ATP8A2: variants seen among roughly 807,000 people sequenced by gnomAD.
ATP8A2 encodes ATPase phospholipid transporting 8A2.
A neutral mutation model predicts 165.6 loss-of-function variants in ATP8A2; 100 were observed. The ratio of observed to expected loss-of-function variants is 0.60; its 90% CI spans 0.51 to 0.71. The LOEUF (loss-of-function observed/expected upper bound fraction) is 0.71, where lower values mean the gene tolerates loss of function less well. Ranked by LOEUF, ATP8A2 falls within the 30% of genes least tolerant of loss-of-function variation. The pLI is 0.00. For synonymous variants in ATP8A2, 543 were observed against 548.8 expected, an observed-to-expected ratio of 0.99 and a Z score of 0.15; for missense variants, 1,227 against 1,479.5, an observed-to-expected ratio of 0.83 and a Z score of 2.80.
In ATP8A2 at chr13:25,380,080, G is replaced by T. The variant is rs993319875; in HGVS notation, c.76+7792G>T. The stretch of plus-strand genomic sequence containing the variant: ...GTGAAGATTGTAAATGAAATGCACA[G>T]TTAGGGGCTGTTGTAATACTCCAGG... On this transcript the variant is annotated intron_variant, in intron 1 of 36. Coordinates refer to ENST00000381655, the MANE Select transcript of ATP8A2 (RefSeq NM_016529.6). 4.6e-5 allele frequency among the ~76,000 whole-genome samples: 7 copies of T among 152,208 alleles called. No homozygotes were observed. The South Asian group carries it at 1.4e-3, about 32-fold the overall frequency.
At chr13:25,995,535 A>G (rs1168666627) in intron 35 of ATP8A2, among the ~76,000 whole-genome samples, 3 of 151,738 alleles carry the variant, frequency 2.0e-5, no homozygotes, top group African/African-American at 7.3e-5. Context: ...TATTTGTCTT[A>G]AGGCTTTTTC....
intron 33 of ATP8A2, among the ~76,000 whole-genome samples, chr13:25,921,615 C>G (rs1954458654): frequency 9.1e-6 from 1 of 110,110 alleles, no homozygotes. Context: ...GAGCTAGACT[C>G]TGTCTCAAAA....
intron 32 of ATP8A2, 38 bp downstream of exon 32, chr13:25,860,898 G>A: frequency 7.2e-7 from 1 of 1,395,080 alleles, no homozygotes; most frequent in South Asian, 1.2e-5. Flanking sequence ...GTTCAGTATA[G>A]ATATTTTTCA....
chr13:25,565,045 C>A (rs186081381), intron 16 of ATP8A2, among the ~76,000 whole-genome samples: 176 of 152,264 alleles, frequency 1.2e-3, no homozygotes, highest in Non-Finnish European at 2.0e-3. Context: ...TTAATTCATT[C>A]ATTTTTATGG....
intron 33 of ATP8A2, among the ~76,000 whole-genome samples, chr13:25,936,017 T>C (rs1954878578): frequency 6.6e-6 from 1 of 152,126 alleles, no homozygotes; most frequent in Non-Finnish European, 1.5e-5. Context: ...TCATCCTCAG[T>C]CAAAAGATGG....
At chr13:25,963,574 G>A (rs1955712573) in intron 34 of ATP8A2, among the ~76,000 whole-genome samples, 1 of 152,138 alleles carries the variant, frequency 6.6e-6, no homozygotes, top group Admixed American at 6.5e-5. Flanking sequence ...GGCCACATCA[G>A]CTGGCCTTTT....
chr13:25,978,908 C>T (rs1460496731), intron 35 of ATP8A2, among the ~76,000 whole-genome samples: 2 of 152,094 alleles, frequency 1.3e-5, no homozygotes, highest in East Asian at 1.9e-4. Context: ...CCACTGCACT[C>T]CAGCCTGGGC....
In ATP8A2 at chr13:26,012,547, C is replaced by G. The variant is rs1195433161; in HGVS notation, c.3394C>G (p.Arg1132Gly). ...SNGKRLNERDRLIKRLGRKTP... is the reference protein window; with the variant it reads ...SNGKRLNERDGLIKRLGRKTP... ...TATCCGCAGGCTGAACGAGCGCGACCGCCTGATCAAGAGGCTGGGCCGGAA... is the reference window on the plus strand; with the variant it reads ...TATCCGCAGGCTGAACGAGCGCGACGGCCTGATCAAGAGGCTGGGCCGGAA... Residue 1132 changes from arginine (R) to glycine (G), a missense_variant, in exon 36 of 37, where the codon CGC becomes GGC. Coordinates refer to ENST00000381655, the MANE Select transcript of ATP8A2 (RefSeq NM_016529.6). 1.9e-6 allele frequency: 3 copies of G among 1,540,288 alleles called. No individual in the cohort carries two copies. The highest frequency in any genetic ancestry group is 4.0e-5 in the Admixed American group (2 of 49,652).
chr13:25,996,915 C>T (rs887975529), intron 35 of ATP8A2, among the ~76,000 whole-genome samples: 5 of 152,214 alleles, frequency 3.3e-5, no homozygotes, highest in Non-Finnish European at 7.3e-5. Flanking sequence ...AACTCCTGAC[C>T]TCAGATGATC....
rs2040449546 is a variant in ATP8A2 at position 25,603,812 on chromosome 13, GTAAGGTGGGGGAA to G, written c.2211+14119_2211+14131del. Among the ~76,000 whole-genome samples, 6 of 152,296 alleles carry G rather than the reference GTAAGGTGGGGGAA, an allele frequency of 3.9e-5. No homozygotes were observed. The South Asian group carries it at 1.2e-3, about 32-fold the overall frequency. ...AAGAGGAAGACCATAGGAGGAGCAG[GTAAGGTGGGGGAA>G]TAAGGAATCTTTTTTGGGCATTTTA... On this transcript the variant is annotated intron_variant, in intron 24 of 36. Coordinates refer to ENST00000381655, the MANE Select transcript of ATP8A2 (RefSeq NM_016529.6).
intron 2 of ATP8A2, among the ~76,000 whole-genome samples, chr13:25,483,412 T>C (rs1418953252): frequency 6.6e-6 from 1 of 152,150 alleles, no homozygotes; most frequent in African/African-American, 2.4e-5. Flanking sequence ...GAGATACACA[T>C]GTAGGGGGTG....
chr13:25,699,901 T>TCCAC (rs1342062615), intron 25 of ATP8A2, among the ~76,000 whole-genome samples: 1 of 143,630 alleles, frequency 7.0e-6, no homozygotes, highest in African/African-American at 2.5e-5. Flanking sequence ...CTGCTGGCTA[T>TCCAC]GTGGAGGTCT....
intron 24 of ATP8A2, among the ~76,000 whole-genome samples, chr13:25,696,487 T>G (rs2042837181): frequency 6.6e-6 from 1 of 152,234 alleles, no homozygotes; most frequent in Non-Finnish European, 1.5e-5. Flanking sequence ...TGAAGCCACC[T>G]TCATCAATTA....
chr13:25,536,731 T>C (rs1471137973), intron 6 of ATP8A2, among the ~76,000 whole-genome samples: 1 of 152,218 alleles, frequency 6.6e-6, no homozygotes, highest in Non-Finnish European at 1.5e-5. Context: ...TTTGCAACTA[T>C]TACTGTACTA....
At chr13:25,683,645 A>G (rs1022094562) in intron 24 of ATP8A2, among the ~76,000 whole-genome samples, 6 of 151,984 alleles carry the variant, frequency 3.9e-5, no homozygotes, top group East Asian at 3.9e-4. Flanking sequence ...AGTGTTGTTC[A>G]GAGTTTCAAC....
intron 24 of ATP8A2, among the ~76,000 whole-genome samples, chr13:25,628,485 A>G (rs764699277): frequency 6.6e-6 from 1 of 152,140 alleles, no homozygotes; most frequent in Non-Finnish European, 1.5e-5. Flanking sequence ...GCTTTGCCTG[A>G]GTATTCTTTC....
At chr13:25,498,532 G>C (rs913604172) in intron 2 of ATP8A2, among the ~76,000 whole-genome samples, 1 of 152,130 alleles carries the variant, frequency 6.6e-6, no homozygotes, top group Non-Finnish European at 1.5e-5. Flanking sequence ...GTGCTTAACA[G>C]GTAAGCTGAT....
chr13:25,917,371 C>T (rs566234785), intron 33 of ATP8A2, among the ~76,000 whole-genome samples: 14 of 152,282 alleles, frequency 9.2e-5, no homozygotes, highest in South Asian at 4.1e-4. Context: ...TAACTTACTC[C>T]GCAGCTGAAA....
intron 24 of ATP8A2, among the ~76,000 whole-genome samples, chr13:25,604,227 A>C (rs559581574): frequency 6.6e-6 from 1 of 152,324 alleles, no homozygotes; most frequent in South Asian, 2.1e-4. Context: ...TCTTTCAAGA[A>C]GAAGGGAAGG....
Sources: gnomAD v4.1 joint callset for allele counts (sites outside exome capture counted in the v4.1 genomes callset) on GRCh38, gnomAD v4.1.1 for gene constraint, MANE v1.5 for transcripts, NCBI Gene and HGNC (gene_info 2026-07-23, HGNC 2026-07-21) for gene names.